HPSE2: variants seen among roughly 807,000 people sequenced by gnomAD.
HPSE2 encodes the protein inactive heparanase-2.
Under a neutral mutation model 60.5 loss-of-function variants are expected in HPSE2, and 38 were observed. That is an observed-to-expected ratio of 0.63 (90% CI 0.48 to 0.82). The LOEUF (loss-of-function observed/expected upper bound fraction) is 0.82, where lower values mean the gene tolerates loss of function less well. HPSE2 is among the 40% of genes least tolerant of loss of function. The pLI is 0.00. For missense variants in HPSE2, 713 were observed against 740.4 expected (o/e 0.96, Z 0.43); for synonymous variants, 295 against 293.2 (o/e 1.01, Z -0.06).
the HPSE2 span, among the ~76,000 whole-genome samples, chr10:99,298,669 C>CTTTTTTTTTTTTT: frequency 6.9e-6 from 1 of 144,090 alleles, no homozygotes; most frequent in African/African-American, 2.6e-5. Context: ...TATGTATAGG[C>CTTTTTTTTTTTTT]TTTTTTTTTT....
chr10:98,761,083 A>T (rs540466055), intron 3 of HPSE2, among the ~76,000 whole-genome samples: 2 of 152,050 alleles, frequency 1.3e-5, no homozygotes, highest in African/African-American at 4.8e-5. Context: ...TGTCTAGGTT[A>T]TCCAATATGT....
chr10:98,666,557 A>T (rs1031215662), intron 6 of HPSE2, among the ~76,000 whole-genome samples: 2 of 152,204 alleles, frequency 1.3e-5, no homozygotes, highest in East Asian at 1.9e-4. Flanking sequence ...CAATAAATTT[A>T]AAAAAATCAA....
At chr10:98,703,782 G>C (rs1389322211) in intron 5 of HPSE2, among the ~76,000 whole-genome samples, 1 of 152,094 alleles carries the variant, frequency 6.6e-6, no homozygotes, top group Admixed American at 6.5e-5. Context: ...AAAATAATGA[G>C]CTATGTGTGA....
the HPSE2 span, among the ~76,000 whole-genome samples, chr10:99,303,858 C>T: frequency 6.6e-6 from 1 of 152,108 alleles, no homozygotes; most frequent in Non-Finnish European, 1.5e-5. Context: ...TTTGCCCTTG[C>T]TTGTTTAGCC....
chr10:99,106,063 C>T (rs1306097506), intron 3 of HPSE2, among the ~76,000 whole-genome samples: 2 of 151,886 alleles, frequency 1.3e-5, no homozygotes, highest in African/African-American at 4.8e-5. Context: ...TTTGTTCTTC[C>T]TTTTTCAAAA....
intron 3 of HPSE2, among the ~76,000 whole-genome samples, chr10:98,795,860 C>G (rs2801396): frequency 0.12 from 17,613 of 152,120 alleles, 2,592 homozygotes; most frequent in African/African-American, 0.34. Context: ...GAGAGCACTG[C>G]ACAGAATGGT....
In HPSE2 at chr10:98,755,077, T is replaced by C. The variant is rs139333206; in HGVS notation, c.611-11021A>G. On this transcript the variant is annotated intron_variant, in intron 3 of 11. Coordinates refer to ENST00000370552, the MANE Select transcript of HPSE2 (RefSeq NM_021828.5). ...AACGCCCCACAAAAAAGGCACAAAG[T>C]GGCAAGTAGGATAAAGAAGCAAGAC... 2.8e-4 allele frequency among the ~76,000 whole-genome samples: 43 copies of C among 152,050 alleles called. No individual in the cohort carries two copies. In the East Asian group the frequency reaches 7.8e-3, roughly 28 times the overall value.
At chr10:99,167,754 C>T (rs867644258) in intron 2 of HPSE2, among the ~76,000 whole-genome samples, 20 of 152,206 alleles carry the variant, frequency 1.3e-4, no homozygotes, top group African/African-American at 3.6e-4. Context: ...TATATTCATA[C>T]ACACACAAAC....
At chr10:98,791,965 C>G (rs1278062117) in intron 3 of HPSE2, among the ~76,000 whole-genome samples, 3 of 152,164 alleles carry the variant, frequency 2.0e-5, no homozygotes, top group Non-Finnish European at 4.4e-5. Context: ...TTACCCCGTT[C>G]TCAATAGTTT....
rs1244040035 is a variant in HPSE2, at chr10:98,580,836, ATG to A, written c.1320+34066_1320+34067del. 1.5e-3 allele frequency among the ~76,000 whole-genome samples: 178 copies of A among 119,510 alleles called. 3 individuals are homozygous for A. Among genetic ancestry groups the A allele is most frequent in the Middle Eastern group, 4.7e-3 (1 of 214 alleles). 78.4% of individuals were successfully genotyped at this position (119,510 alleles called of 152,430 possible). On this transcript the variant is annotated intron_variant, in intron 9 of 11. Coordinates refer to ENST00000370552, the MANE Select transcript of HPSE2 (RefSeq NM_021828.5). ...GTTGTGCTTGGTTTTATATATATATATGTGTGTGTGTGTGTGTGTGTGTGTGT... is the reference window on the plus strand; with the variant it reads ...GTTGTGCTTGGTTTTATATATATATATGTGTGTGTGTGTGTGTGTGTGTGT...
At chr10:98,885,570 C>CTT (rs1953140357) in intron 3 of HPSE2, among the ~76,000 whole-genome samples, 1 of 152,126 alleles carries the variant, frequency 6.6e-6, no homozygotes, top group Non-Finnish European at 1.5e-5. Context: ...CAACCTACAA[C>CTT]CACCACCACC....
At chr10:99,137,762 A>G (rs1845715138) in intron 3 of HPSE2, among the ~76,000 whole-genome samples, 1 of 152,228 alleles carries the variant, frequency 6.6e-6, no homozygotes, top group Non-Finnish European at 1.5e-5. Context: ...AAATACTTAA[A>G]TGTAAGACCT....
chr10:98,588,654 G>A (rs147134094), intron 9 of HPSE2, among the ~76,000 whole-genome samples: 2 of 151,982 alleles, frequency 1.3e-5, no homozygotes, highest in African/African-American at 4.8e-5. Flanking sequence ...CAATGGTAAC[G>A]CTCATGCTCA....
chr10:98,534,373 C>T (rs534744617), intron 9 of HPSE2, among the ~76,000 whole-genome samples: 8 of 152,084 alleles, frequency 5.3e-5, no homozygotes, highest in East Asian at 1.9e-4. Context: ...CTGAAATTTC[C>T]CAGTTTAATT....
chr10:99,110,286 G>A (rs79262156), intron 3 of HPSE2, among the ~76,000 whole-genome samples: 2,775 of 152,258 alleles, frequency 0.018, 90 homozygotes, highest in African/African-American at 0.063. Flanking sequence ...CTCTTCAGCC[G>A]TAAATCCTCT....
chr10:98,788,537 C>T (rs1241497498), intron 3 of HPSE2, among the ~76,000 whole-genome samples: 5 of 151,456 alleles, frequency 3.3e-5, no homozygotes, highest in African/African-American at 9.7e-5. Flanking sequence ...GGCGCCCCTC[C>T]CCCAGCCTCG....
intron 3 of HPSE2, among the ~76,000 whole-genome samples, chr10:98,999,056 T>C (rs994059723): frequency 1.4e-4 from 21 of 152,216 alleles, no homozygotes; most frequent in South Asian, 1.0e-3. Flanking sequence ...CTGAGGTTTA[T>C]AGAAAAGGAG....
intron 9 of HPSE2, among the ~76,000 whole-genome samples, chr10:98,513,011 A>G (rs1275472700): frequency 6.6e-6 from 1 of 152,198 alleles, no homozygotes; most frequent in Non-Finnish European, 1.5e-5. Flanking sequence ...TTGTATTTAC[A>G]TATTTATTGG....
At chr10:99,054,213 A>T (rs1958057474) in intron 3 of HPSE2, among the ~76,000 whole-genome samples, 1 of 152,166 alleles carries the variant, frequency 6.6e-6, no homozygotes, top group South Asian at 2.1e-4. Context: ...TCCTAACTTA[A>T]TTCACAGTTA....
Sources: gnomAD v4.1 joint callset for allele counts (sites outside exome capture counted in the v4.1 genomes callset) on GRCh38, gnomAD v4.1.1 for gene constraint, MANE v1.5 for transcripts, NCBI Gene and HGNC (gene_info 2026-07-23, HGNC 2026-07-21) for gene names.